The following NALCN variants were observed in gnomAD, a reference collection of about 807,000 sequenced individuals.
NALCN encodes sodium leak channel, non-selective, also known as sodium leak channel NALCN.
Under a neutral mutation model 225.3 loss-of-function variants are expected in NALCN, and 111 were observed. That is an observed-to-expected ratio of 0.49 (90% CI 0.42 to 0.58). The LOEUF is 0.58. Among genes scored for constraint, NALCN ranks in the 20% least tolerant of loss-of-function variants. The pLI is 0.00. For synonymous variants in NALCN, 764 were observed against 769.0 expected (o/e 0.99, Z 0.11); for missense variants, 1,378 against 2,202.4 (o/e 0.63, Z 7.49).
Position 101,086,299 on chromosome 13 carries a change from T to C in NALCN, c.3490-2495A>G, listed in dbSNP as rs536980563. Among the ~76,000 whole-genome samples the C allele has an allele frequency of 1.0e-3, 152 of 152,174 alleles. 2 individuals are homozygous for C. Among genetic ancestry groups the C allele is most frequent in the Non-Finnish European group, 2.0e-3 (135 of 67,950 alleles). ...ATTAATATTTAACTTGTGATTCTTC[T>C]TTAATATATACACTTAAAACGATAC... On this transcript the variant is annotated intron_variant, in intron 30 of 43. Coordinates refer to ENST00000251127, the MANE Select transcript of NALCN (RefSeq NM_052867.4).
chr13:101,152,584 T>C (rs1566349951), intron 15 of NALCN, among the ~76,000 whole-genome samples: 1 of 152,004 alleles, frequency 6.6e-6, no homozygotes, highest in Non-Finnish European at 1.5e-5. Flanking sequence ...TCTAATGAAT[T>C]AGTAAAAGAA....
intron 10 of NALCN, among the ~76,000 whole-genome samples, chr13:101,277,923 T>C (rs577696702): frequency 6.4e-4 from 97 of 152,302 alleles, no homozygotes; most frequent in Non-Finnish European, 1.2e-3. Flanking sequence ...TGGCCAACTC[T>C]AGCCAGGTGG....
chr13:101,299,163 T>G (rs1363074054), intron 7 of NALCN, among the ~76,000 whole-genome samples: 1 of 152,224 alleles, frequency 6.6e-6, no homozygotes, highest in Non-Finnish European at 1.5e-5. Flanking sequence ...TTTGCTGTTT[T>G]AACAACTAGG....
chr13:101,319,700 C>G (rs1317477680), intron 7 of NALCN, among the ~76,000 whole-genome samples: 2 of 152,054 alleles, frequency 1.3e-5, no homozygotes, highest in Non-Finnish European at 2.9e-5. Flanking sequence ...ATTTTATATA[C>G]AGCCATTTGT....
chr13:101,339,726 A>C, intron 7 of NALCN, among the ~76,000 whole-genome samples: 1 of 152,162 alleles, frequency 6.6e-6, no homozygotes, highest in Admixed American at 6.5e-5. Context: ...ATGGATAAAT[A>C]AATAAAATTA....
intron 4 of NALCN, among the ~76,000 whole-genome samples, chr13:101,377,444 T>C (rs1432747667): frequency 6.6e-6 from 1 of 152,148 alleles, no homozygotes; most frequent in East Asian, 1.9e-4. Context: ...TAAAAAAGAA[T>C]TGCACTATTT....
At chr13:101,327,268 A>G (rs1372819339) in intron 7 of NALCN, among the ~76,000 whole-genome samples, 3 of 152,118 alleles carry the variant, frequency 2.0e-5, no homozygotes, top group African/African-American at 7.2e-5. Context: ...TTAACAAATG[A>G]TAGTTTATTG....
intron 28 of NALCN, among the ~76,000 whole-genome samples, chr13:101,090,351 A>C (rs1359374086): frequency 1.3e-5 from 2 of 152,206 alleles, no homozygotes; most frequent in Non-Finnish European, 2.9e-5. Flanking sequence ...TTGCACAAAG[A>C]AGCATTGGAT....
chr13:101,098,111 C>T (rs1162693303), intron 27 of NALCN, among the ~76,000 whole-genome samples: 1 of 152,056 alleles, frequency 6.6e-6, no homozygotes, highest in Admixed American at 6.6e-5. Context: ...TGCTCCGTGT[C>T]CTTCTTCACT....
At position 101,395,176 on chromosome 13, in the gene NALCN, T is replaced by C. The variant is rs2047252664; in HGVS notation, c.291+7A>G. On this transcript the variant is annotated splice_region_variant and intron_variant, in intron 3 of 43. Transcript: ENST00000251127. ...GTTCTTAGTTTAAATGACATGGAAGTGCTCACCTTGACAATGCCCCGGATG... is the reference window on the plus strand; with the variant it reads ...GTTCTTAGTTTAAATGACATGGAAGCGCTCACCTTGACAATGCCCCGGATG... 3 of 1,609,960 alleles carry C rather than the reference T, an allele frequency of 1.9e-6. No individual in the cohort carries two copies. Among genetic ancestry groups the C allele is most frequent in the African/African-American group, 2.7e-5 (2 of 74,818 alleles).
chr13:101,152,570 C>A (rs1453983863), intron 15 of NALCN, among the ~76,000 whole-genome samples: 2 of 151,920 alleles, frequency 1.3e-5, no homozygotes, highest in Non-Finnish European at 2.9e-5. Flanking sequence ...AGCTAACCAA[C>A]AACTCTAATG....
intron 41 of NALCN, among the ~76,000 whole-genome samples, chr13:101,060,427 C>T (rs559381071): frequency 6.9e-6 from 1 of 145,676 alleles, no homozygotes; most frequent in South Asian, 2.2e-4. Context: ...TAAAAGTGTG[C>T]ATGACTGTGG....
chr13:101,218,486 C>G (rs1460567849), intron 13 of NALCN, among the ~76,000 whole-genome samples: 1 of 152,072 alleles, frequency 6.6e-6, no homozygotes, highest in Non-Finnish European at 1.5e-5. Flanking sequence ...AGATGCCATT[C>G]CAGTCCCATG....
chr13:101,156,246 T>C (rs1413311266), intron 15 of NALCN, among the ~76,000 whole-genome samples: 1 of 152,192 alleles, frequency 6.6e-6, no homozygotes, highest in Non-Finnish European at 1.5e-5. Flanking sequence ...CCACAAAATG[T>C]CCTATCCTCA....
chr13:101,124,951 C>A (rs2036163154), intron 17 of NALCN, among the ~76,000 whole-genome samples: 1 of 152,114 alleles, frequency 6.6e-6, no homozygotes, highest in South Asian at 2.1e-4. Flanking sequence ...TTTCAGTTTC[C>A]AAAGACTTTA....
intron 43 of NALCN, 129 bp downstream of exon 43, chr13:101,057,810 A>T: frequency 1.3e-6 from 1 of 774,820 alleles, no homozygotes; most frequent in Non-Finnish European, 2.3e-6. Flanking sequence ...TACATTTTTC[A>T]TTATGTTGCT....
chr13:101,119,379 C>T (rs1418040547), intron 18 of NALCN, among the ~76,000 whole-genome samples: 3 of 152,090 alleles, frequency 2.0e-5, no homozygotes, highest in African/African-American at 7.2e-5. Flanking sequence ...AATATAAGTG[C>T]ATGGCAAAGA....
chr13:101,128,799 G>C (rs768599687), intron 17 of NALCN, among the ~76,000 whole-genome samples: 2 of 151,990 alleles, frequency 1.3e-5, no homozygotes, highest in Admixed American at 6.6e-5. Context: ...CTGGGCTCAA[G>C]TGATCCTCCT....
intron 3 of NALCN, among the ~76,000 whole-genome samples, chr13:101,393,437 C>G (rs2047199451): frequency 1.3e-5 from 2 of 152,156 alleles, no homozygotes; most frequent in Admixed American, 6.5e-5. Context: ...AGCCAAATCT[C>G]AAATGTAGAA....
Sources: gnomAD v4.1 joint callset for allele counts (sites outside exome capture counted in the v4.1 genomes callset) on GRCh38, gnomAD v4.1.1 for gene constraint, MANE v1.5 for transcripts, NCBI Gene and HGNC (gene_info 2026-07-23, HGNC 2026-07-21) for gene names.